Variants in PIGK observed in about 807,000 individuals in gnomAD.
PIGK encodes phosphatidylinositol glycan anchor biosynthesis class K, also known as GPI-anchor transamidase.
Under a neutral mutation model 50.6 loss-of-function variants are expected in PIGK, and 42 were observed. That is an observed-to-expected ratio of 0.83 (90% confidence interval 0.65 to 1.07). The LOEUF (loss-of-function observed/expected upper bound fraction) is 1.07, where lower values mean the gene tolerates loss of function less well. Ranked by LOEUF, PIGK falls within the 50% of genes least tolerant of loss-of-function variation. The probability of loss-of-function intolerance (pLI) is 0.00; values close to 1 mark genes in which losing one functional copy is unlikely to be tolerated. For missense variants in PIGK, 448 were observed against 488.7 expected, an observed-to-expected ratio of 0.92 and a Z score of 0.78; for synonymous variants, 151 against 156.0, an observed-to-expected ratio of 0.97 and a Z score of 0.24.
chr1:77,168,377 T>A (rs1327793529), intron 4 of PIGK, among the ~76,000 whole-genome samples: 2 of 152,212 alleles, frequency 1.3e-5, no homozygotes, highest in Non-Finnish European at 2.9e-5. Flanking sequence ...GATTTACATT[T>A]TTCCTGCAAG....
intron 3 of PIGK, among the ~76,000 whole-genome samples, chr1:77,197,303 T>C (rs574277528): frequency 6.6e-6 from 1 of 152,142 alleles, no homozygotes; most frequent in African/African-American, 2.4e-5. Context: ...AAAAAATGAA[T>C]AGTGACATTC....
intron 6 of PIGK, 134 bp downstream of exon 6, chr1:77,163,712 A>C (rs922650574): frequency 8.5e-6 from 5 of 590,392 alleles, no homozygotes; most frequent in African/African-American, 7.8e-5. Flanking sequence ...GGAAATAACA[A>C]ATGTAAATTT....
chr1:77,195,425 G>T, intron 3 of PIGK: 1 of 1,011,832 alleles, frequency 9.9e-7, no homozygotes, highest in South Asian at 1.8e-5. Context: ...CTCACTTCCT[G>T]TTTCCACAGG....
intron 9 of PIGK, among the ~76,000 whole-genome samples, chr1:77,147,119 C>T (rs1654786911): frequency 6.6e-6 from 1 of 151,996 alleles, no homozygotes; most frequent in Non-Finnish European, 1.5e-5. Context: ...TGGCAGAAGG[C>T]AAAAGGCGCT....
At chr1:77,115,349 C>A (rs557045249) in intron 10 of PIGK, among the ~76,000 whole-genome samples, 1 of 152,128 alleles carries the variant, frequency 6.6e-6, no homozygotes, top group South Asian at 2.1e-4. Flanking sequence ...TGGGCAGAGA[C>A]TGCAAATAAT....
intron 9 of PIGK, among the ~76,000 whole-genome samples, chr1:77,127,838 AT>A (rs1654265740): frequency 6.6e-6 from 1 of 152,202 alleles, no homozygotes; most frequent in Non-Finnish European, 1.5e-5. Context: ...TAATAGAGAA[AT>A]CAAATTAATT....
At chr1:77,128,115 CAATTT>C (rs1278214368) in intron 9 of PIGK, among the ~76,000 whole-genome samples, 4 of 152,128 alleles carry the variant, frequency 2.6e-5, no homozygotes, top group Non-Finnish European at 2.9e-5. Context: ...AATGAGAAAA[CAATTT>C]AATACATTAT....
At chr1:77,166,861 G>T (rs923605619) in intron 4 of PIGK, 31 bp from the exon 5 acceptor site, 1 of 1,006,764 alleles carries the variant, frequency 9.9e-7, no homozygotes, top group Non-Finnish European at 1.5e-6. Flanking sequence ...AAAATCAGAT[G>T]AAATAAAACC....
intron 3 of PIGK, among the ~76,000 whole-genome samples, chr1:77,171,552 T>A (rs941551124): frequency 6.6e-6 from 1 of 151,318 alleles, no homozygotes; most frequent in African/African-American, 2.4e-5. Context: ...AATGTCAATA[T>A]CAATCAGAAA....
chr1:77,169,526 G>A (rs1655313150), intron 3 of PIGK, 131 bp from the exon 4 acceptor site: 4 of 608,550 alleles, frequency 6.6e-6, no homozygotes, highest in East Asian at 3.1e-5. Flanking sequence ...CTACATAGTT[G>A]AAGGCAATTT....
intron 10 of PIGK, among the ~76,000 whole-genome samples, chr1:77,107,635 G>A (rs1489397739): frequency 6.6e-6 from 1 of 152,094 alleles, no homozygotes; most frequent in Non-Finnish European, 1.5e-5. Flanking sequence ...TTCAATTCCT[G>A]GGTATCCTTG....
chr1:77,130,886 T>C (rs1445954429), intron 9 of PIGK, among the ~76,000 whole-genome samples: 1 of 152,154 alleles, frequency 6.6e-6, no homozygotes, highest in East Asian at 1.9e-4. Context: ...ATAAAATGAC[T>C]ACATACTCCA....
At chr1:77,181,092 G>A in intron 3 of PIGK, among the ~76,000 whole-genome samples, 1 of 151,970 alleles carries the variant, frequency 6.6e-6, no homozygotes, top group East Asian at 1.9e-4. Context: ...ATATAAAAGT[G>A]AAATTTTAAA....
At chr1:77,192,835 C>T (rs1390848660) in intron 3 of PIGK, among the ~76,000 whole-genome samples, 2 of 152,044 alleles carry the variant, frequency 1.3e-5, no homozygotes, top group Admixed American at 6.6e-5. Context: ...TAAAAATAAG[C>T]TCTCTAATAA....
chr1:77,127,103 C>T (rs1654249862), intron 9 of PIGK, among the ~76,000 whole-genome samples: 2 of 152,160 alleles, frequency 1.3e-5, no homozygotes. Context: ...TAGAGTCATA[C>T]TACCATCTCA....
intron 10 of PIGK, among the ~76,000 whole-genome samples, chr1:77,105,210 C>T (rs771594406): frequency 6.6e-5 from 10 of 152,044 alleles, no homozygotes; most frequent in Non-Finnish European, 1.2e-4. Flanking sequence ...TAAGTTCAGC[C>T]GTCTCCCTCG....
intron 3 of PIGK, among the ~76,000 whole-genome samples, chr1:77,171,648 C>T (rs1385569220): frequency 6.6e-6 from 1 of 151,842 alleles, no homozygotes; most frequent in African/African-American, 2.4e-5. Flanking sequence ...GTACTATGAC[C>T]TGTTAACATA....
At chr1:77,136,525 A>T (rs1654521375) in intron 9 of PIGK, among the ~76,000 whole-genome samples, 1 of 126,176 alleles carries the variant, frequency 7.9e-6, no homozygotes, top group African/African-American at 3.1e-5. Context: ...CGACAGAGCG[A>T]GACTCCGTCT....
intron 10 of PIGK, among the ~76,000 whole-genome samples, chr1:77,118,769 TA>T (rs1654033258): frequency 6.6e-6 from 1 of 152,196 alleles, no homozygotes; most frequent in Non-Finnish European, 1.5e-5. Context: ...CTTTATCATT[TA>T]TATAAACCAT....
Sources: gnomAD v4.1 joint callset for allele counts (sites outside exome capture counted in the v4.1 genomes callset) on GRCh38, gnomAD v4.1.1 for gene constraint, MANE v1.5 for transcripts, NCBI Gene and HGNC (gene_info 2026-07-23, HGNC 2026-07-21) for gene names.